The following RBM25 variants were observed in gnomAD, a reference collection of about 807,000 sequenced individuals.
RBM25 encodes the protein RNA binding motif protein 25.
RBM25 carries 19 observed loss-of-function variants against 120.7 expected under a neutral mutation model. The ratio of observed to expected loss-of-function variants is 0.16; its 90% CI spans 0.11 to 0.23. The LOEUF (loss-of-function observed/expected upper bound fraction) is 0.23, where lower values mean the gene tolerates loss of function less well. RBM25 is among the 10% of genes least tolerant of loss of function. RBM25 has a pLI of 1.00. For synonymous variants in RBM25, 390 were observed against 326.7 expected, an observed-to-expected ratio of 1.19 and a Z score of -2.09; for missense variants, 605 against 1,041.5, an observed-to-expected ratio of 0.58 and a Z score of 5.77.
At chr14:73,119,010 C>A (rs889876994) in intron 18 of RBM25, among the ~76,000 whole-genome samples, 1 of 151,962 alleles carries the variant, frequency 6.6e-6, no homozygotes, top group African/African-American at 2.4e-5. Flanking sequence ...CTCTGGTGAT[C>A]CACCTGCCTC....
intron 6 of RBM25, among the ~76,000 whole-genome samples, chr14:73,093,914 T>C (rs1202527645): frequency 6.6e-6 from 1 of 151,684 alleles, no homozygotes; most frequent in African/African-American, 2.4e-5. Context: ...TGGAGTGGTC[T>C]TTCTAACCTG....
intron 1 of RBM25, chr14:73,068,156 C>G (rs1185064524): frequency 2.4e-6 from 2 of 839,256 alleles, no homozygotes; most frequent in Non-Finnish European, 3.9e-6. Context: ...CTGCTTGGTC[C>G]TGGATGCTTT....
chr14:73,096,805 C>A, intron 6 of RBM25, 110 bp from the exon 7 acceptor site: 1 of 893,016 alleles, frequency 1.1e-6, no homozygotes, highest in Non-Finnish European at 1.7e-6. Context: ...TTTAATAGGA[C>A]TACAGAGATG....
intron 17 of RBM25, 113 bp from the exon 18 acceptor site, chr14:73,114,173 C>T (rs1896374901): frequency 2.7e-6 from 2 of 733,538 alleles, no homozygotes; most frequent in Admixed American, 2.9e-5. Flanking sequence ...TAGAATGGTT[C>T]CTTAGCCGCA....
intron 1 of RBM25, among the ~76,000 whole-genome samples, chr14:73,067,779 T>C (rs1398146180): frequency 1.3e-5 from 2 of 151,700 alleles, no homozygotes; most frequent in Non-Finnish European, 2.9e-5. Context: ...AATTTTTTTT[T>C]TTTTTGTATT....
chr14:73,068,831 C>T (rs1411764674), intron 1 of RBM25, among the ~76,000 whole-genome samples: 1 of 152,058 alleles, frequency 6.6e-6, no homozygotes, highest in Admixed American at 6.6e-5. Flanking sequence ...ACCTCGGCCT[C>T]CCAAAGTGCT....
intron 2 of RBM25, among the ~76,000 whole-genome samples, chr14:73,075,328 T>G (rs1055369331): frequency 6.6e-6 from 1 of 151,970 alleles, no homozygotes; most frequent in Non-Finnish European, 1.5e-5. Context: ...CTGGCTAATT[T>G]TTGTATTTTT....
intron 14 of RBM25, 22 bp downstream of exon 14, chr14:73,109,514 T>G (rs751750937): frequency 1.9e-6 from 3 of 1,600,330 alleles, no homozygotes; most frequent in Non-Finnish European, 2.6e-6. Flanking sequence ...TACCATCTGG[T>G]CGGGCGCGGT....
intron 5 of RBM25, among the ~76,000 whole-genome samples, chr14:73,085,793 G>T (rs12586782): frequency 0.099 from 15,086 of 152,128 alleles, 827 homozygotes; most frequent in African/African-American, 0.14. Context: ...GCACTGGCTT[G>T]CTTTCTTAAA....
At chr14:73,107,972 A>G (rs1896224876) in intron 13 of RBM25, 73 bp downstream of exon 13, 1 of 991,632 alleles carries the variant, frequency 1.0e-6, no homozygotes, top group African/African-American at 1.7e-5. Flanking sequence ...CACAGTTGAT[A>G]ATGCATGTTC....
intron 18 of RBM25, among the ~76,000 whole-genome samples, chr14:73,118,478 A>G (rs214288): frequency 0.69 from 101,994 of 147,726 alleles, 35,210 homozygotes; most frequent in East Asian, 0.85. Flanking sequence ...TCCTGTCTCC[A>G]GAAAAAAAAA....
chr14:73,074,880 A>G (rs1895377287), intron 2 of RBM25, among the ~76,000 whole-genome samples: 1 of 149,036 alleles, frequency 6.7e-6, no homozygotes. Flanking sequence ...TAATTTTTGT[A>G]TTTTCTGTAG....
Position 73,120,969 on chromosome 14 carries a change from A to G in RBM25, c.*1164A>G, listed in dbSNP as rs1002281589. The G allele has an allele frequency of 6.6e-6, 1 of 152,188 alleles. No individual in the cohort carries two copies. Among genetic ancestry groups the G allele is most frequent in the Non-Finnish European group, 1.5e-5 (1 of 68,016 alleles). The allele number at this position is 152,188 out of a possible 1,614,324, so 9.4% of individuals were successfully genotyped here. ...TTTATATCTTGTTTTACCTTGGCTC[A>G]TTAGTGTTTAAAAATGTACTGATGA... On this transcript the variant is annotated 3_prime_UTR_variant, in exon 19 of 19. Transcript: ENST00000261973.
Position 73,058,749 on chromosome 14 carries a change from G to C in RBM25, c.-16+44G>C, listed in dbSNP as rs561646951. 2.2e-3 allele frequency: 333 copies of C among 152,012 alleles called. 1 individual carries two copies. The highest frequency in any genetic ancestry group is 7.6e-3 in the African/African-American group (313 of 41,400). 9.4% of individuals were successfully genotyped at this position (152,012 alleles called of 1,614,324 possible). A position where few individuals can be genotyped will look rare whatever the true frequency, so the allele number is the denominator to read the frequency against. On this transcript the variant is annotated intron_variant, in intron 1 of 18. Transcript: ENST00000261973. ...ACGCGTGTGGAAACCGGGAGACCGG[G>C]TGCCTCAGCTGGTGGAGGAGGAAAA...
At chr14:73,085,391 T>C (rs1167706457) in intron 5 of RBM25, among the ~76,000 whole-genome samples, 1 of 149,220 alleles carries the variant, frequency 6.7e-6, no homozygotes, top group African/African-American at 2.4e-5. Flanking sequence ...ATTAGTAGAA[T>C]GCTTCTCTAT....
rs1345293277 is a variant in RBM25, at chr14:73,103,262, A to T, written c.938A>T (p.Glu313Val). The T allele has an allele frequency of 1.9e-6, 3 of 1,598,354 alleles. No individual in the cohort carries two copies. The highest frequency in any genetic ancestry group is 2.6e-6 in the Non-Finnish European group (3 of 1,171,362). ...QEIEKERRER[E>V]RERERERERR... ...ATTGAGAAAGAACGGAGAGAAAGAGAGAGGGAGCGTGAAAGGGAACGAGAA... is the reference window on the plus strand; with the variant it reads ...ATTGAGAAAGAACGGAGAGAAAGAGTGAGGGAGCGTGAAAGGGAACGAGAA... The change falls in exon 10 of 19, where the codon GAG (glutamate) becomes GTG (valine). Residue 313 changes from glutamate (E) to valine (V), a missense_variant. Around this residue, in one of 4 missense-constraint regions of RBM25, gnomAD observed 465 missense variants for 741.6 expected, o/e 0.63. Transcript: ENST00000261973.
At chr14:73,071,577 A>G (rs2140427370) in intron 1 of RBM25, 50 bp from the exon 2 acceptor site, 1 of 1,307,714 alleles carries the variant, frequency 7.6e-7, no homozygotes, top group East Asian at 2.4e-5. Flanking sequence ...AGGCATATAA[A>G]ATTGTGACGT....
intron 14 of RBM25, among the ~76,000 whole-genome samples, chr14:73,110,423 TTTTTTC>T (rs575685265): frequency 6.6e-6 from 1 of 151,652 alleles, no homozygotes; most frequent in Non-Finnish European, 1.5e-5. Flanking sequence ...ATGTCCTTTT[TTTTTTC>T]TTTTTCTTTT....
intron 9 of RBM25, chr14:73,102,194 A>C (rs1161683485): frequency 6.6e-6 from 1 of 152,272 alleles, no homozygotes; most frequent in Non-Finnish European, 1.5e-5. Flanking sequence ...AACGTGAAAC[A>C]AAAGGGATAA....
Sources: allele counts gnomAD v4.1 joint callset (sites outside exome capture counted in the v4.1 genomes callset), GRCh38; gene constraint gnomAD v4.1.1; regional missense constraint gnomAD v4.1.1; transcripts MANE v1.5; gene names NCBI Gene and HGNC (gene_info 2026-07-23, HGNC 2026-07-21).